CDH4: variants seen among roughly 807,000 people sequenced by gnomAD.
CDH4 encodes the protein cadherin 4, also known as cadherin-4.
In CDH4, 33 loss-of-function variants were observed where a neutral mutation model predicts 86.0. The observed-to-expected ratio is 0.38, with a 90% confidence interval of 0.29 to 0.51. The LOEUF (loss-of-function observed/expected upper bound fraction) is 0.51, where lower values mean the gene tolerates loss of function less well. CDH4 is among the 20% of genes least tolerant of loss of function. The pLI is 0.86. For synonymous variants in CDH4, 555 were observed against 549.4 expected (o/e 1.01, Z -0.14); for missense variants, 1,114 against 1,307.4 (o/e 0.85, Z 2.28).
intron 2 of CDH4, among the ~76,000 whole-genome samples, chr20:61,657,248 A>T (rs1169473433): frequency 6.6e-6 from 1 of 152,138 alleles, no homozygotes; most frequent in East Asian, 1.9e-4. Context: ...TTTGACACAA[A>T]CTTAGCTGCT....
At chr20:61,705,735 C>T (rs546360132) in intron 2 of CDH4, among the ~76,000 whole-genome samples, 9 of 152,356 alleles carry the variant, frequency 5.9e-5, no homozygotes, top group South Asian at 2.1e-4. Flanking sequence ...CTTCCTCTCA[C>T]GACAGCTTTG....
intron 2 of CDH4, among the ~76,000 whole-genome samples, chr20:61,508,322 C>T (rs1196952749): frequency 6.6e-6 from 1 of 152,240 alleles, no homozygotes; most frequent in African/African-American, 2.4e-5. Context: ...GAGGTCCCCA[C>T]CGGGTGAGAA....
intron 13 of CDH4, among the ~76,000 whole-genome samples, chr20:61,931,608 GGGAGGCTTCA>G (rs1644943165): frequency 1.3e-5 from 2 of 152,194 alleles, no homozygotes; most frequent in African/African-American, 4.8e-5. Context: ...GGGAGGTGAC[GGGAGGCTTCA>G]GGAGGATGCA....
intron 4 of CDH4, among the ~76,000 whole-genome samples, chr20:61,797,083 GCCC>G (rs10541512): frequency 0.32 from 47,765 of 148,128 alleles, 7,807 homozygotes; most frequent in East Asian, 0.43. Context: ...GACAGGAAGA[GCCC>G]CCCCCCCCCC....
intron 2 of CDH4, among the ~76,000 whole-genome samples, chr20:61,389,871 A>G (rs2084971979): frequency 6.6e-6 from 1 of 151,518 alleles, no homozygotes; most frequent in East Asian, 1.9e-4. Context: ...TGTCTGGGAA[A>G]CCCCGATTGA....
chr20:61,365,588 C>T (rs568567882), intron 2 of CDH4, among the ~76,000 whole-genome samples: 40 of 151,992 alleles, frequency 2.6e-4, no homozygotes, highest in African/African-American at 8.0e-4. Context: ...GTGTGGGGGT[C>T]GAGAATGACT....
At chr20:61,442,706 G>T (rs1446054656) in intron 2 of CDH4, among the ~76,000 whole-genome samples, 1 of 152,224 alleles carries the variant, frequency 6.6e-6, no homozygotes, top group Admixed American at 6.5e-5. Flanking sequence ...AGGGTGTCAG[G>T]AGGCTCCCGG....
chr20:61,254,299 A>G (rs1906269512), intron 1 of CDH4, among the ~76,000 whole-genome samples: 1 of 152,134 alleles, frequency 6.6e-6, no homozygotes, highest in African/African-American at 2.4e-5. Flanking sequence ...CCGGCTCCGG[A>G]CCTAGTCCTA....
At chr20:61,647,717 G>C (rs186446929) in intron 2 of CDH4, among the ~76,000 whole-genome samples, 6 of 152,202 alleles carry the variant, frequency 3.9e-5, no homozygotes, top group Admixed American at 2.0e-4. Context: ...CTGGTGTTCT[G>C]TGTCTGTGGG....
chr20:61,396,328 T>C (rs138842038), intron 2 of CDH4, among the ~76,000 whole-genome samples: 395 of 152,226 alleles, frequency 2.6e-3, no homozygotes, highest in African/African-American at 9.2e-3. Flanking sequence ...CTTGGAGACC[T>C]AGCAGGCAGG....
intron 2 of CDH4, among the ~76,000 whole-genome samples, chr20:61,300,065 T>C (rs1382586268): frequency 6.6e-6 from 1 of 152,138 alleles, no homozygotes; most frequent in African/African-American, 2.4e-5. Flanking sequence ...GAAGAGACTC[T>C]TCTGCACGCT....
intron 2 of CDH4, among the ~76,000 whole-genome samples, chr20:61,397,540 T>G (rs1422094754): frequency 6.6e-6 from 1 of 152,176 alleles, no homozygotes; most frequent in Admixed American, 6.5e-5. Context: ...AACCTGGGTC[T>G]TGTTACTGGA....
intron 2 of CDH4, among the ~76,000 whole-genome samples, chr20:61,270,036 AC>A (rs2084175983): frequency 6.6e-6 from 1 of 152,202 alleles, no homozygotes; most frequent in African/African-American, 2.4e-5. Flanking sequence ...TTGTTTAGAT[AC>A]TTTCTCCCCT....
chr20:61,794,021 T>A (rs60717050), intron 4 of CDH4, among the ~76,000 whole-genome samples: 81,819 of 146,862 alleles, frequency 0.56, 23,279 homozygotes, highest in African/African-American at 0.69. Context: ...CGGGCACCTG[T>A]AGTCCCAGCT....
At chr20:61,426,170 G>A (rs1301379537) in intron 2 of CDH4, among the ~76,000 whole-genome samples, 1 of 152,170 alleles carries the variant, frequency 6.6e-6, no homozygotes, top group Non-Finnish European at 1.5e-5. Context: ...TATTCAATGG[G>A]GGTTTCTAGT....
At chr20:61,467,529 G>A (rs955388902) in intron 2 of CDH4, among the ~76,000 whole-genome samples, 7 of 152,164 alleles carry the variant, frequency 4.6e-5, no homozygotes, top group African/African-American at 7.2e-5. Context: ...GGCCAAGGCC[G>A]AAGGATCTCC....
intron 2 of CDH4, among the ~76,000 whole-genome samples, chr20:61,329,480 G>GCATGCGTGGAGGGCACCCAGA (rs1568800111): frequency 7.1e-6 from 1 of 140,726 alleles, no homozygotes; most frequent in Non-Finnish European, 1.6e-5. Flanking sequence ...GTGGCTGTGA[G>GCATGCGTGGAGGGCACCCAGA]TGGCTCTTCT....
At chr20:61,725,600 T>G (rs2088100672) in intron 2 of CDH4, among the ~76,000 whole-genome samples, 1 of 152,108 alleles carries the variant, frequency 6.6e-6, no homozygotes, top group African/African-American at 2.4e-5. Flanking sequence ...GCTTTTTAAA[T>G]ACAGAAAACA....
chr20:61,891,089 C>T (rs1984798849), intron 7 of CDH4, among the ~76,000 whole-genome samples: 1 of 152,004 alleles, frequency 6.6e-6, no homozygotes, highest in Non-Finnish European at 1.5e-5. Flanking sequence ...GACAACACAC[C>T]CGCAAGCACA....
Sources: gnomAD v4.1 joint callset for allele counts (sites outside exome capture counted in the v4.1 genomes callset) on GRCh38, gnomAD v4.1.1 for gene constraint, MANE v1.5 for transcripts, NCBI Gene and HGNC (gene_info 2026-07-23, HGNC 2026-07-21) for gene names.